The following PRICKLE1 variants were observed in gnomAD, a reference collection of about 807,000 sequenced individuals.
PRICKLE1 encodes the protein prickle planar cell polarity protein 1.
A neutral mutation model predicts 70.2 loss-of-function variants in PRICKLE1; 14 were observed. The ratio of observed to expected loss-of-function variants is 0.20; its 90% confidence interval spans 0.13 to 0.31. The LOEUF (loss-of-function observed/expected upper bound fraction) is 0.31. Ranked by LOEUF, PRICKLE1 falls within the 10% of genes least tolerant of loss-of-function variation. The pLI is 1.00. For missense variants in PRICKLE1, 821 were observed against 1,026.2 expected (o/e 0.80, Z 2.73); for synonymous variants, 357 against 379.9 (o/e 0.94, Z 0.70).
intron 1 of PRICKLE1, among the ~76,000 whole-genome samples, chr12:42,474,861 A>T (rs762015526): frequency 2.6e-5 from 4 of 152,252 alleles, no homozygotes; most frequent in Non-Finnish European, 5.9e-5. Context: ...TACAAAGAAC[A>T]TAAATATTAA....
At chr12:42,469,686 GT>G in intron 3 of PRICKLE1, 99 bp from the exon 4 acceptor site, 1 of 1,499,736 alleles carries the variant, frequency 6.7e-7, no homozygotes. Flanking sequence ...GAAACAGTAA[GT>G]TTAGCTCGCC....
rs139500004 is a variant in PRICKLE1 at position 42,578,476 on chromosome 12, T to C, written c.-49+10989A>G. ...GCACATATTCAATCTTCTATTAATA[T>C]AGCATCCCTTTGCTAGATGATTACA... On this transcript the variant is annotated intron_variant, in intron 1 of 7. Coordinates refer to ENST00000345127, the MANE Select transcript of PRICKLE1 (RefSeq NM_153026.3). Among the ~76,000 whole-genome samples, 489 of 152,290 alleles carry C rather than the reference T, an allele frequency of 3.2e-3. 2 individuals are homozygous for C. The highest frequency in any genetic ancestry group is 0.011 in the African/African-American group (461 of 41,568).
chr12:42,458,826 G>T lies in PRICKLE1; in HGVS notation c.*983C>A, dbSNP rs73126459. 6.5e-3 allele frequency: 995 copies of T among 152,714 alleles called. 5 individuals are homozygous for T. The highest frequency in any genetic ancestry group is 0.027 in the Middle Eastern group (8 of 294). 9.5% of individuals were successfully genotyped at this position (152,714 alleles called of 1,614,324 possible). A position where few individuals can be genotyped will look rare whatever the true frequency, so the allele number is the denominator to read the frequency against. Reference sequence around the variant, plus strand: ...TACTTGTTTTTACCATATATTCCAGGGGTTATGTGTGTGGAGGGGTTGTTT... The same window carrying T: ...TACTTGTTTTTACCATATATTCCAGTGGTTATGTGTGTGGAGGGGTTGTTT... On this transcript the variant is annotated 3_prime_UTR_variant, in exon 8 of 8. Coordinates refer to ENST00000345127, the MANE Select transcript of PRICKLE1 (RefSeq NM_153026.3).
At chr12:42,497,610 C>T (rs2140177871) in intron 1 of PRICKLE1, among the ~76,000 whole-genome samples, 1 of 151,666 alleles carries the variant, frequency 6.6e-6, no homozygotes, top group African/African-American at 2.4e-5. Context: ...TTCATGGTGC[C>T]CCAAAACAAT....
At chr12:42,525,902 T>C (rs4768418) in intron 1 of PRICKLE1, among the ~76,000 whole-genome samples, 82,595 of 151,996 alleles carry the variant, frequency 0.54, 22,916 homozygotes, top group Admixed American at 0.67. Flanking sequence ...ATAGATGTCA[T>C]ATGTCATTAT....
At chr12:42,583,049 A>G (rs981084596) in intron 1 of PRICKLE1, among the ~76,000 whole-genome samples, 3 of 152,188 alleles carry the variant, frequency 2.0e-5, no homozygotes, top group African/African-American at 7.2e-5. Flanking sequence ...GAAAATTGCC[A>G]TATTTGCTTA....
intron 1 of PRICKLE1, among the ~76,000 whole-genome samples, chr12:42,586,415 T>TG (rs1940988728): frequency 6.6e-6 from 1 of 151,240 alleles, no homozygotes; most frequent in African/African-American, 2.4e-5. Context: ...TCCCCAGAGA[T>TG]GGGGTCTAAC....
intron 1 of PRICKLE1, among the ~76,000 whole-genome samples, chr12:42,514,544 A>C (rs1939570437): frequency 6.6e-6 from 1 of 152,216 alleles, no homozygotes; most frequent in Non-Finnish European, 1.5e-5. Context: ...TGGGAAACTC[A>C]AAGGCTGATG....
At chr12:42,553,962 G>C (rs940366510) in intron 1 of PRICKLE1, among the ~76,000 whole-genome samples, 1 of 152,146 alleles carries the variant, frequency 6.6e-6, no homozygotes, top group African/African-American at 2.4e-5. Flanking sequence ...AAATTAGTGG[G>C]GCATGGTGGC....
rs1439826027 is a variant in PRICKLE1, at chr12:42,457,703, A to C, written c.*2106T>G. The C allele has an allele frequency of 6.6e-6, 1 of 152,286 alleles. No homozygotes were observed. Among genetic ancestry groups the C allele is most frequent in the African/African-American group, 2.4e-5 (1 of 41,476 alleles). The allele number at this position is 152,286 out of a possible 1,614,324, so 9.4% of individuals were successfully genotyped here. On this transcript the variant is annotated 3_prime_UTR_variant, in exon 8 of 8. Coordinates refer to ENST00000345127, the MANE Select transcript of PRICKLE1 (RefSeq NM_153026.3). ...TTAAGCAGTCACTGAAAGAATGGGT[A>C]GACCTATATGCACTAACGTGAAATG... is the stretch of plus-strand genomic sequence containing the variant.
chr12:42,459,582 G>A lies in PRICKLE1; in HGVS notation c.*227C>T. 1 of 635,736 alleles carries A rather than the reference G, an allele frequency of 1.6e-6. No homozygotes were observed. Among genetic ancestry groups the A allele is most frequent in the Non-Finnish European group, 2.8e-6 (1 of 362,274 alleles). The allele number at this position is 635,736 out of a possible 1,614,324, so 39.4% of individuals were successfully genotyped here. A position where few individuals can be genotyped will look rare whatever the true frequency, so the allele number is the denominator to read the frequency against. On this transcript the variant is annotated 3_prime_UTR_variant, in exon 8 of 8. Coordinates refer to ENST00000345127, the MANE Select transcript of PRICKLE1 (RefSeq NM_153026.3). ...GTCCATCTGTAACGCACCCGCACCG[G>A]ACAGGCACGAGATGTCACGTCCACC...
intron 1 of PRICKLE1, among the ~76,000 whole-genome samples, chr12:42,531,564 C>T (rs1487449625): frequency 6.6e-6 from 1 of 152,114 alleles, no homozygotes; most frequent in Non-Finnish European, 1.5e-5. Flanking sequence ...TGTGTGCAAT[C>T]AATAAACTAA....
intron 1 of PRICKLE1, among the ~76,000 whole-genome samples, chr12:42,502,266 C>T (rs7488241): frequency 7.0e-6 from 1 of 141,882 alleles, no homozygotes; most frequent in Admixed American, 7.4e-5. Context: ...TATATATATA[C>T]CTACATATAT....
chr12:42,504,673 G>C (rs1939374073), intron 1 of PRICKLE1, among the ~76,000 whole-genome samples: 2 of 152,162 alleles, frequency 1.3e-5, no homozygotes, highest in South Asian at 4.1e-4. Context: ...CTAACACAAG[G>C]GCGGGAATGC....
chr12:42,548,462 A>G (rs567883159), intron 1 of PRICKLE1, among the ~76,000 whole-genome samples: 215 of 152,360 alleles, frequency 1.4e-3, no homozygotes, highest in Non-Finnish European at 2.6e-3. Context: ...GGGAACCCAA[A>G]GAGGGTCATA....
At chr12:42,506,992 G>T (rs1939432459) in intron 1 of PRICKLE1, among the ~76,000 whole-genome samples, 1 of 152,120 alleles carries the variant, frequency 6.6e-6, no homozygotes, top group East Asian at 1.9e-4. Context: ...AGAAATCAAG[G>T]CCATTTCATC....
intron 1 of PRICKLE1, among the ~76,000 whole-genome samples, chr12:42,497,837 G>T (rs1939235008): frequency 6.6e-6 from 1 of 151,416 alleles, no homozygotes; most frequent in African/African-American, 2.4e-5. Flanking sequence ...GCAGTAAAAC[G>T]AAGCATGCTG....
intron 1 of PRICKLE1, among the ~76,000 whole-genome samples, chr12:42,527,916 AATATATATATAT>A (rs1163552624): frequency 0.049 from 962 of 19,492 alleles, 37 homozygotes; most frequent in East Asian, 0.074. Flanking sequence ...TACTCTTTAT[AATATATATATAT>A]ATATATATAT....
chr12:42,472,495 T>G lies in PRICKLE1; in HGVS notation c.22A>C (p.Lys8Gln), dbSNP rs2140125259. The G allele has an allele frequency of 6.2e-7, 1 of 1,614,236 alleles. No individual in the cohort carries two copies. Among genetic ancestry groups the G allele is most frequent in the East Asian group, 2.2e-5 (1 of 44,880 alleles). Residue 8 changes from lysine (K) to glutamine (Q), a missense_variant, in exon 2 of 8, where the codon AAG becomes CAG. Lys to Gln is a moderately conservative substitution (Grantham distance 53, BLOSUM62 1). Transcript: ENST00000345127. MPLEMEP[K>Q]MSKLAFGCQR... is the part of the protein sequence containing the mutation. Reference sequence around the variant, plus strand: ...CAGCCAAAGGCCAGTTTGCTCATCTTGGGCTCCATCTCCAAAGGCATAAAG... The same window carrying G: ...CAGCCAAAGGCCAGTTTGCTCATCTGGGGCTCCATCTCCAAAGGCATAAAG...
Sources: gnomAD v4.1 joint callset for allele counts (sites outside exome capture counted in the v4.1 genomes callset) on GRCh38, gnomAD v4.1.1 for gene constraint, MANE v1.5 for transcripts, NCBI Gene and HGNC (gene_info 2026-07-23, HGNC 2026-07-21) for gene names.